The following XYLT1 variants were observed in gnomAD, a reference collection of about 807,000 sequenced individuals.
The protein encoded by XYLT1 is xylosyltransferase 1.
A neutral mutation model predicts 91.3 loss-of-function variants in XYLT1; 36 were observed. The observed-to-expected ratio is 0.39, with a 90% CI of 0.30 to 0.52. The LOEUF is 0.52. Among genes scored for constraint, XYLT1 ranks in the 20% least tolerant of loss-of-function variants. The pLI is 0.68. For synonymous variants in XYLT1, 588 were observed against 532.0 expected (o/e 1.11, Z -1.45); for missense variants, 1,242 against 1,284.5 (o/e 0.97, Z 0.51).
At chr16:17,409,546 C>CTTTTTTT (rs35377886) in intron 1 of XYLT1, among the ~76,000 whole-genome samples, 1 of 117,342 alleles carries the variant, frequency 8.5e-6, no homozygotes, top group Non-Finnish European at 1.7e-5. Flanking sequence ...TATTGAGACA[C>CTTTTTTT]TTTTTTTTTT....
intron 1 of XYLT1, among the ~76,000 whole-genome samples, chr16:17,381,453 C>T (rs1363227957): frequency 1.8e-5 from 2 of 113,474 alleles, no homozygotes; most frequent in African/African-American, 7.9e-5. Flanking sequence ...GAAATGGAGT[C>T]TCACTCTGTC....
At position 17,101,853 on chromosome 16, in the gene XYLT1, G is replaced by A. The variant is rs982332378; in HGVS notation, c.*6842C>T. ...TGCAGTCTAGCTGTTCCATTGGCCTGGTCACATGGTCACAGCTAAGAGCAA... is the reference window on the plus strand; with the variant it reads ...TGCAGTCTAGCTGTTCCATTGGCCTAGTCACATGGTCACAGCTAAGAGCAA... On this transcript the variant is annotated 3_prime_UTR_variant, in exon 12 of 12. Transcript: ENST00000261381. The A allele has an allele frequency of 2.0e-5, 3 of 151,982 alleles. No homozygotes were observed. The highest frequency in any genetic ancestry group is 7.3e-5 in the African/African-American group (3 of 41,364). The allele number at this position is 151,982 out of a possible 1,614,324, so 9.4% of individuals were successfully genotyped here. A position where few individuals can be genotyped will look rare whatever the true frequency, so the allele number is the denominator to read the frequency against.
intron 1 of XYLT1, among the ~76,000 whole-genome samples, chr16:17,371,674 AGAAG>A (rs891798624): frequency 2.6e-5 from 4 of 152,246 alleles, no homozygotes; most frequent in African/African-American, 7.2e-5. Context: ...AAAACTCCAC[AGAAG>A]GAAGGAAGGA....
chr16:17,289,136 T>C (rs777296773), intron 2 of XYLT1, among the ~76,000 whole-genome samples: 1 of 152,220 alleles, frequency 6.6e-6, no homozygotes, highest in Non-Finnish European at 1.5e-5. Flanking sequence ...TTGTAAGCCA[T>C]ACAGTCTCTG....
rs865941679 is a variant in XYLT1 at position 17,327,804 on chromosome 16, G to A, written c.402+30208C>T. 7.9e-5 allele frequency among the ~76,000 whole-genome samples: 12 copies of A among 152,076 alleles called. No individual in the cohort carries two copies. In the Middle Eastern group the frequency reaches 0.014, roughly 174 times the overall value. On this transcript the variant is annotated intron_variant, in intron 2 of 11. Coordinates refer to ENST00000261381, the MANE Select transcript of XYLT1 (RefSeq NM_022166.4). ...TTTTCCTCGTCTTAAATTCCATCGC[G>A]GTGAGCCAAACTCAGTCAACCTTTT...
chr16:17,407,759 G>C (rs1363333520), intron 1 of XYLT1, among the ~76,000 whole-genome samples: 3 of 152,240 alleles, frequency 2.0e-5, no homozygotes, highest in African/African-American at 7.2e-5. Flanking sequence ...AAGTAACTTG[G>C]CCTCTGCTAT....
intron 6 of XYLT1, among the ~76,000 whole-genome samples, chr16:17,154,436 C>G (rs77169450): frequency 0.022 from 3,336 of 152,316 alleles, 67 homozygotes; most frequent in South Asian, 0.058. Context: ...TGGAAGAGGC[C>G]TGTCCCCACA....
intron 3 of XYLT1, among the ~76,000 whole-genome samples, chr16:17,202,159 G>A (rs971827878): frequency 4.6e-5 from 7 of 152,102 alleles, no homozygotes; most frequent in Admixed American, 1.3e-4. Flanking sequence ...GATTTCACTT[G>A]GGTCCAACCC....
rs144106160 is a variant in XYLT1 at position 17,167,003 on chromosome 16, A to C, written c.1290-8094T>G. Reference sequence around the variant, plus strand: ...TCCCTTTGTTGCTCACCAAGTGTTAAGTGCTCGTCCTCCTTAATTTTACAA... The same window carrying C: ...TCCCTTTGTTGCTCACCAAGTGTTACGTGCTCGTCCTCCTTAATTTTACAA... On this transcript the variant is annotated intron_variant, in intron 5 of 11. Transcript: ENST00000261381. 4.7e-3 allele frequency among the ~76,000 whole-genome samples: 709 copies of C among 152,344 alleles called. 2 individuals carry two copies. The highest frequency in any genetic ancestry group is 7.7e-3 in the Non-Finnish European group (521 of 68,040).
chr16:17,335,082 G>A (rs1339951667), intron 2 of XYLT1, among the ~76,000 whole-genome samples: 1 of 151,230 alleles, frequency 6.6e-6, no homozygotes, highest in East Asian at 2.0e-4. Context: ...AAAATCAGCC[G>A]GGCATGGTGG....
intron 3 of XYLT1, among the ~76,000 whole-genome samples, chr16:17,255,186 A>T (rs2033612406): frequency 6.6e-6 from 1 of 151,754 alleles, no homozygotes; most frequent in Non-Finnish European, 1.5e-5. Context: ...TTTAGTAGAG[A>T]TGAGGTTTCG....
In XYLT1 at chr16:17,198,290, C is replaced by T. The variant is rs146025263; in HGVS notation, c.1211G>A (p.Ser404Asn). ...GGTCATCTCCAGGAGGTCCCGCATG[C>T]TCTGCAGGTAGGTGGACAGGAGGCT... is the stretch of plus-strand genomic sequence containing the variant. ...GASLLSTYLQ[S>N]MRDLLEMTDW... Residue 404 changes from serine to asparagine, a missense_variant, in exon 5 of 12, where the codon AGC (serine) becomes AAC (asparagine). Physicochemically the swap from Ser to Asn is conservative, Grantham distance 46. Transcript: ENST00000261381. The T allele has an allele frequency of 1.2e-5, 20 of 1,614,106 alleles. No individual in the cohort carries two copies. Among genetic ancestry groups the T allele is most frequent in the Non-Finnish European group, 1.5e-5 (18 of 1,180,036 alleles).
intron 5 of XYLT1, among the ~76,000 whole-genome samples, chr16:17,170,156 A>G (rs1325108646): frequency 6.6e-6 from 1 of 152,214 alleles, no homozygotes; most frequent in Admixed American, 6.5e-5. Context: ...GCAGGTGCGC[A>G]GTAACTGGAG....
intron 2 of XYLT1, among the ~76,000 whole-genome samples, chr16:17,328,358 G>A (rs1316668632): frequency 1.3e-5 from 2 of 151,670 alleles, no homozygotes; most frequent in Non-Finnish European, 2.9e-5. Flanking sequence ...ACCAGCCTAA[G>A]CAACATGGCA....
intron 2 of XYLT1, among the ~76,000 whole-genome samples, chr16:17,348,444 G>A (rs554734321): frequency 6.6e-6 from 1 of 152,270 alleles, no homozygotes; most frequent in East Asian, 1.9e-4. Flanking sequence ...TGCAGAAGAG[G>A]GAGGCCTAAG....
At chr16:17,272,324 G>A (rs1452728881) in intron 2 of XYLT1, among the ~76,000 whole-genome samples, 4 of 151,794 alleles carry the variant, frequency 2.6e-5, no homozygotes, top group African/African-American at 4.8e-5. Flanking sequence ...CACCATGCCC[G>A]GCTAATTTTT....
chr16:17,422,395 T>C (rs1338168824), intron 1 of XYLT1, among the ~76,000 whole-genome samples: 1 of 152,150 alleles, frequency 6.6e-6, no homozygotes, highest in Admixed American at 6.5e-5. Context: ...GATGAGGTTT[T>C]ACTATGTTGC....
intron 5 of XYLT1, among the ~76,000 whole-genome samples, chr16:17,175,711 G>T (rs1471943792): frequency 6.6e-6 from 1 of 152,196 alleles, no homozygotes; most frequent in African/African-American, 2.4e-5. Flanking sequence ...CCCCCAGGCT[G>T]CATGGAAGCC....
rs75951448 is a variant in XYLT1, at chr16:17,155,577, T to C, written c.1370+3252A>G. On this transcript the variant is annotated intron_variant, in intron 6 of 11. Coordinates refer to ENST00000261381, the MANE Select transcript of XYLT1 (RefSeq NM_022166.4). Reference sequence around the variant, plus strand: ...GGGAGGGACCATGGATGATGGGCTATAGGTAGGCTTATTCGTGCAGCAGGT... The same window carrying C: ...GGGAGGGACCATGGATGATGGGCTACAGGTAGGCTTATTCGTGCAGCAGGT... Among the ~76,000 whole-genome samples, 783 of 152,308 alleles carry C rather than the reference T, an allele frequency of 5.1e-3. 7 individuals carry two copies. Among genetic ancestry groups the C allele is most frequent in the African/African-American group, 0.017 (727 of 41,566 alleles).
Sources: gnomAD v4.1 joint callset for allele counts (sites outside exome capture counted in the v4.1 genomes callset) on GRCh38, gnomAD v4.1.1 for gene constraint, MANE v1.5 for transcripts, NCBI Gene and HGNC (gene_info 2026-07-23, HGNC 2026-07-21) for gene names.